Variants in MARCHF1 observed in about 807,000 individuals in gnomAD.
MARCHF1 encodes the protein E3 ubiquitin-protein ligase MARCHF1.
Under a neutral mutation model 54.2 loss-of-function variants are expected in MARCHF1, and 40 were observed. The observed-to-expected ratio is 0.74, with a 90% CI of 0.57 to 0.96. The LOEUF (loss-of-function observed/expected upper bound fraction) is 0.96, where lower values mean the gene tolerates loss of function less well. MARCHF1 is among the 40% of genes least tolerant of loss of function. The pLI is 0.00. For missense variants in MARCHF1, 586 were observed against 656.5 expected (o/e 0.89, Z 1.17); for synonymous variants, 236 against 236.3 (o/e 1.00, Z 0.01).
At chr4:163,885,121 G>A (rs1219217803) in intron 3 of MARCHF1, among the ~76,000 whole-genome samples, 1 of 152,060 alleles carries the variant, frequency 6.6e-6, no homozygotes, top group African/African-American at 2.4e-5. Context: ...AGAAAACTAA[G>A]CTTAACTAAA....
At chr4:164,023,622 C>T (rs1056612396) in intron 2 of MARCHF1, among the ~76,000 whole-genome samples, 10 of 152,164 alleles carry the variant, frequency 6.6e-5, no homozygotes, top group African/African-American at 9.7e-5. Context: ...AAAAAGAACA[C>T]CAGCCCTCTC....
intron 5 of MARCHF1, among the ~76,000 whole-genome samples, chr4:163,617,009 G>A (rs1181170700): frequency 2.6e-5 from 4 of 152,118 alleles, no homozygotes; most frequent in East Asian, 1.9e-4. Context: ...CAATCTAAAT[G>A]GTCATCAGCA....
chr4:164,181,745 A>G (rs748212454), intron 1 of MARCHF1, among the ~76,000 whole-genome samples: 67 of 152,276 alleles, frequency 4.4e-4, no homozygotes, highest in South Asian at 2.1e-4. Flanking sequence ...GATTTTCTAT[A>G]AATAAAATTA....
chr4:163,576,622 A>G (rs1272534242), intron 8 of MARCHF1, among the ~76,000 whole-genome samples: 1 of 152,006 alleles, frequency 6.6e-6, no homozygotes, highest in African/African-American at 2.4e-5. Context: ...TATCTGTCTA[A>G]TGTTGTCAGT....
chr4:164,311,898 T>A (rs1734858548), intron 1 of MARCHF1, among the ~76,000 whole-genome samples: 1 of 152,242 alleles, frequency 6.6e-6, no homozygotes, highest in Admixed American at 6.5e-5. Flanking sequence ...TGGCTTTCTA[T>A]TTAATGTTTT....
chr4:164,082,005 C>CCTTGCCTA (rs1755111598), intron 2 of MARCHF1, among the ~76,000 whole-genome samples: 2 of 152,174 alleles, frequency 1.3e-5, no homozygotes, highest in Non-Finnish European at 2.9e-5. Flanking sequence ...TAGGCCTGTT[C>CCTTGCCTA]TGTGCGTGTA....
chr4:164,346,900 G>C (rs1327015074), intron 1 of MARCHF1, among the ~76,000 whole-genome samples: 1 of 151,658 alleles, frequency 6.6e-6, no homozygotes, highest in East Asian at 1.9e-4. Context: ...AACATCTTTA[G>C]GAAAAATGTA....
At chr4:164,171,364 A>T (rs868019611) in intron 1 of MARCHF1, among the ~76,000 whole-genome samples, 19 of 152,288 alleles carry the variant, frequency 1.2e-4, no homozygotes, top group African/African-American at 4.6e-4. Context: ...ATTAAGCAAC[A>T]TTAACAAGAA....
intron 4 of MARCHF1, among the ~76,000 whole-genome samples, chr4:163,842,494 T>A (rs78904450): frequency 0.029 from 4,481 of 152,154 alleles, 81 homozygotes; most frequent in East Asian, 0.072. Context: ...CCTGAGCATA[T>A]TTTTTTGCAG....
chr4:163,685,151 C>T (rs1015686821), intron 5 of MARCHF1, among the ~76,000 whole-genome samples: 1 of 152,022 alleles, frequency 6.6e-6, no homozygotes, highest in Non-Finnish European at 1.5e-5. Context: ...CAACTCCCTT[C>T]ATTAAAAATC....
At chr4:164,356,282 C>T (rs1388294084) in intron 1 of MARCHF1, among the ~76,000 whole-genome samples, 1 of 126,668 alleles carries the variant, frequency 7.9e-6, no homozygotes, top group East Asian at 2.3e-4. Flanking sequence ...ACCCAAATGA[C>T]TATAAATCAT....
rs1237765993 is a variant in MARCHF1 at position 163,795,212 on chromosome 4, C to A, written c.111+58809G>T. Among the ~76,000 whole-genome samples the A allele has an allele frequency of 2.0e-5, 3 of 152,038 alleles. No homozygotes were observed. In the East Asian group the frequency reaches 5.8e-4, roughly 29 times the overall value. On this transcript the variant is annotated intron_variant, in intron 4 of 9. Transcript: ENST00000514618. ...GCACATCTTTGGTTGGATTAATTCC[C>A]AGACATCTTAATGGTATTTTCTTTC... is the stretch of plus-strand genomic sequence containing the variant.
At chr4:164,033,735 G>T (rs1753931801) in intron 2 of MARCHF1, among the ~76,000 whole-genome samples, 3 of 152,118 alleles carry the variant, frequency 2.0e-5, no homozygotes, top group Non-Finnish European at 4.4e-5. Flanking sequence ...ACCATCTCAT[G>T]CCAGTCAGAA....
At chr4:164,244,444 A>T (rs1732876306) in intron 1 of MARCHF1, among the ~76,000 whole-genome samples, 1 of 150,814 alleles carries the variant, frequency 6.6e-6, no homozygotes, top group Non-Finnish European at 1.5e-5. Context: ...AATCTCTGGG[A>T]CGCATTCAAA....
chr4:163,807,420 A>G (rs919465052), intron 4 of MARCHF1, among the ~76,000 whole-genome samples: 1 of 152,180 alleles, frequency 6.6e-6, no homozygotes, highest in African/African-American at 2.4e-5. Context: ...GGCTTTTACA[A>G]TCTTCATCAC....
chr4:163,691,651 C>A (rs538223610), intron 5 of MARCHF1, among the ~76,000 whole-genome samples: 2 of 152,308 alleles, frequency 1.3e-5, no homozygotes, highest in South Asian at 4.1e-4. Flanking sequence ...GGCTCTGTTT[C>A]ATTCCACTTA....
intron 5 of MARCHF1, among the ~76,000 whole-genome samples, chr4:163,640,540 A>C (rs1308209966): frequency 6.6e-6 from 1 of 152,180 alleles, no homozygotes; most frequent in African/African-American, 2.4e-5. Flanking sequence ...TAAGATATCA[A>C]CTTTCACTAC....
intron 2 of MARCHF1, among the ~76,000 whole-genome samples, chr4:163,997,954 ACACG>A (rs1753110776): frequency 1.4e-5 from 2 of 142,370 alleles, no homozygotes; most frequent in South Asian, 2.3e-4. Context: ...ACACACACAC[ACACG>A]TAGATTCTAC....
intron 1 of MARCHF1, among the ~76,000 whole-genome samples, chr4:164,251,881 AT>A (rs1300593678): frequency 6.6e-6 from 1 of 152,220 alleles, no homozygotes; most frequent in Non-Finnish European, 1.5e-5. Context: ...GCAAAAAATA[AT>A]TAAGTAATTG....
Sources: gnomAD v4.1 joint callset for allele counts (sites outside exome capture counted in the v4.1 genomes callset) on GRCh38, gnomAD v4.1.1 for gene constraint, MANE v1.5 for transcripts, NCBI Gene and HGNC (gene_info 2026-07-23, HGNC 2026-07-21) for gene names.